Variants in ILRUN observed in about 807,000 individuals in gnomAD.
ILRUN encodes the protein protein ILRUN.
Under a neutral mutation model 33.8 loss-of-function variants are expected in ILRUN, and 3 were observed. The observed-to-expected ratio is 0.09, with a 90% CI of 0.04 to 0.23. The LOEUF is 0.23. Ranked by LOEUF, ILRUN falls within the 10% of genes least tolerant of loss-of-function variation. The pLI is 1.00. For synonymous variants in ILRUN, 124 were observed against 138.9 expected (o/e 0.89, Z 0.75); for missense variants, 210 against 375.1 (o/e 0.56, Z 3.64).
intron 3 of ILRUN, among the ~76,000 whole-genome samples, chr6:34,643,935 C>G (rs982102602): frequency 1.2e-4 from 18 of 152,226 alleles, no homozygotes; most frequent in African/African-American, 3.6e-4. Flanking sequence ...CTCCTGACCT[C>G]AAGTGATATG....
At chr6:34,621,022 T>A (rs1762001796) in intron 3 of ILRUN, among the ~76,000 whole-genome samples, 1 of 152,156 alleles carries the variant, frequency 6.6e-6, no homozygotes, top group Non-Finnish European at 1.5e-5. Context: ...TCCATCAAGA[T>A]CATGTGGTTT....
chr6:34,640,443 T>C (rs1165001932), intron 3 of ILRUN, among the ~76,000 whole-genome samples: 1 of 152,126 alleles, frequency 6.6e-6, no homozygotes, highest in African/African-American at 2.4e-5. Context: ...CCGGGCGCGG[T>C]GGCTCATGTC....
chr6:34,649,461 T>C (rs781160022), intron 2 of ILRUN, among the ~76,000 whole-genome samples: 11 of 152,234 alleles, frequency 7.2e-5, no homozygotes, highest in Non-Finnish European at 1.5e-4. Flanking sequence ...ATGACGTTCC[T>C]AGTTAAGTAT....
chr6:34,608,508 T>G (rs1761679565), intron 3 of ILRUN, among the ~76,000 whole-genome samples: 1 of 152,244 alleles, frequency 6.6e-6, no homozygotes, highest in Non-Finnish European at 1.5e-5. Context: ...TGGAAGTTGA[T>G]CTGGGTGAGT....
At chr6:34,612,817 C>T (rs186855784) in intron 3 of ILRUN, among the ~76,000 whole-genome samples, 1,910 of 152,128 alleles carry the variant, frequency 0.013, 18 homozygotes, top group Middle Eastern at 0.024. Context: ...CCAAGGCGGG[C>T]GGATCATGAG....
At chr6:34,639,451 T>C (rs1209087792) in intron 3 of ILRUN, among the ~76,000 whole-genome samples, 1 of 152,170 alleles carries the variant, frequency 6.6e-6, no homozygotes, top group Non-Finnish European at 1.5e-5. Context: ...TCTCTGTTAG[T>C]AGGAGATGAA....
intron 1 of ILRUN, among the ~76,000 whole-genome samples, chr6:34,668,364 A>C (rs1371554594): frequency 6.6e-6 from 1 of 152,200 alleles, no homozygotes; most frequent in Non-Finnish European, 1.5e-5. Context: ...GTAAAAATTC[A>C]AATGTACATC....
intron 4 of ILRUN, among the ~76,000 whole-genome samples, chr6:34,603,019 C>T (rs1761545478): frequency 6.6e-6 from 1 of 152,198 alleles, no homozygotes. Context: ...ATCCTACCAA[C>T]CTTAGCAAGT....
intron 1 of ILRUN, among the ~76,000 whole-genome samples, chr6:34,658,785 G>A (rs1377830633): frequency 6.6e-6 from 1 of 152,072 alleles, no homozygotes; most frequent in Non-Finnish European, 1.5e-5. Flanking sequence ...TCCAGCCTGG[G>A]CAACAGGGCA....
Position 34,646,832 on chromosome 6 carries a change from A to G in ILRUN, c.314-34T>C. On this transcript the variant is annotated intron_variant, in intron 2 of 4. Transcript: ENST00000374023. This position sits in a 1 kb window ranked among gnomAD's most constrained non-coding sequence, Gnocchi z 4.9. ...AAGCAAAAGAAAAAAATGTTAGGCAATCAATGGTCCTATGCTGGGTGCAGT... is the reference window on the plus strand; with the variant it reads ...AAGCAAAAGAAAAAAATGTTAGGCAGTCAATGGTCCTATGCTGGGTGCAGT... 1 of 1,597,226 alleles carries G rather than the reference A, an allele frequency of 6.3e-7. No individual in the cohort carries two copies. The highest frequency in any genetic ancestry group is 8.6e-7 in the Non-Finnish European group (1 of 1,167,232).
chr6:34,656,375 A>G (rs1470296413), intron 1 of ILRUN, among the ~76,000 whole-genome samples: 2 of 152,090 alleles, frequency 1.3e-5, no homozygotes, highest in Admixed American at 6.5e-5. Flanking sequence ...AGAGTTCCCA[A>G]CTGAGCAGAA....
At chr6:34,602,106 C>A (rs1307810095) in intron 4 of ILRUN, among the ~76,000 whole-genome samples, 2 of 152,070 alleles carry the variant, frequency 1.3e-5, no homozygotes, top group Non-Finnish European at 1.5e-5. Context: ...CATATACCAG[C>A]CTCGAACACT....
intron 1 of ILRUN, among the ~76,000 whole-genome samples, chr6:34,656,712 G>T (rs1028495942): frequency 1.3e-5 from 2 of 152,162 alleles, no homozygotes; most frequent in African/African-American, 4.8e-5. Flanking sequence ...TTTCTGTTGG[G>T]GGCCTGCCTG....
chr6:34,616,983 A>G (rs1007960920), intron 3 of ILRUN: 8 of 549,932 alleles, frequency 1.5e-5, no homozygotes, highest in African/African-American at 1.3e-4. Flanking sequence ...ATCTACAAGC[A>G]TGGTTATGGC....
chr6:34,595,701 AG>A, intron 4 of ILRUN: 1 of 941,312 alleles, frequency 1.1e-6, no homozygotes, highest in South Asian at 4.9e-5. Flanking sequence ...ACCACAACAC[AG>A]GACTTTCACA....
chr6:34,640,569 G>A (rs1455049226), intron 3 of ILRUN, among the ~76,000 whole-genome samples: 4 of 151,978 alleles, frequency 2.6e-5, no homozygotes, highest in African/African-American at 9.7e-5. Context: ...AATTAGCCGG[G>A]TGTGGTGGCG....
intron 1 of ILRUN, among the ~76,000 whole-genome samples, chr6:34,658,198 A>T (rs982884301): frequency 1.3e-5 from 2 of 151,822 alleles, no homozygotes; most frequent in East Asian, 3.9e-4. Context: ...AAAATACAAA[A>T]ATTAGCTGGG....
intron 1 of ILRUN, among the ~76,000 whole-genome samples, chr6:34,676,438 C>CTAGA (rs1370771807): frequency 2.0e-5 from 3 of 150,700 alleles, no homozygotes; most frequent in Non-Finnish European, 2.9e-5. Context: ...AGCTAGCTAG[C>CTAGA]TAGCTAGATA....
At chr6:34,682,259 T>TTTTTTTTTTTTTG (rs1562031988) in intron 1 of ILRUN, among the ~76,000 whole-genome samples, 7 of 54,362 alleles carry the variant, frequency 1.3e-4, no homozygotes, top group African/African-American at 9.3e-4. Flanking sequence ...CTGTTTTTTT[T>TTTTTTTTTTTTTG]TTTTTTTTTT....
Sources: gnomAD v4.1 joint callset for allele counts (sites outside exome capture counted in the v4.1 genomes callset) on GRCh38, gnomAD v4.1.1 for gene constraint, Gnocchi (gnomAD v3.1) non-coding constraint, MANE v1.5 for transcripts, NCBI Gene and HGNC (gene_info 2026-07-23, HGNC 2026-07-21) for gene names.